Variants in HTR1D observed in about 807,000 individuals in gnomAD.
HTR1D encodes 5-HT-1D.
In HTR1D, 18 loss-of-function variants were observed where a neutral mutation model predicts 21.1. That is an observed-to-expected ratio of 0.85 (90% CI 0.59 to 1.27). The LOEUF is 1.27. Ranked by LOEUF, HTR1D falls within the 50% of genes most tolerant of loss-of-function variation. The pLI, the probability that HTR1D is intolerant of heterozygous loss-of-function variation, is 0.00. For synonymous variants in HTR1D, 196 were observed against 204.4 expected (o/e 0.96, Z 0.35); for missense variants, 456 against 481.4 (o/e 0.95, Z 0.49).
intron 1 of HTR1D, among the ~76,000 whole-genome samples, chr1:23,196,841 A>G (rs1206559778): frequency 6.6e-6 from 1 of 152,042 alleles, no homozygotes; most frequent in African/African-American, 2.4e-5. Context: ...CCTTGCCTAC[A>G]TTGCCTCAGT....
At chr1:23,205,255 G>A (rs1454553487) in intron 1 of HTR1D, among the ~76,000 whole-genome samples, 1 of 152,064 alleles carries the variant, frequency 6.6e-6, no homozygotes, top group Non-Finnish European at 1.5e-5. Flanking sequence ...AGGGTGGGAG[G>A]GGGAAAGGGA....
rs941110502 is a variant in HTR1D at position 23,193,987 on chromosome 1, C to T, written c.233G>A (p.Gly78Asp). 6.2e-6 allele frequency: 10 copies of T among 1,613,864 alleles called. No individual in the cohort carries two copies. The African/African-American group carries it at 1.1e-4, about 17-fold the overall frequency. The change falls in exon 2 of 2, where the codon GGC becomes GAC. Residue 78 changes from glycine (G) to aspartate (D), a missense_variant. By Grantham distance (94) the Gly-to-Asp change is moderately conservative. Coordinates refer to ENST00000374619, the MANE Select transcript of HTR1D (RefSeq NM_000864.5). The stretch of plus-strand genomic sequence containing the variant: ...CAAGAGGTCGGTGGTGGCCAGGGAG[C>T]CAATCAGGTAGTTGGCAGGGGTGTG... ...KLHTPANYLI[G>D]SLATTDLLVS...
intron 1 of HTR1D, among the ~76,000 whole-genome samples, chr1:23,202,705 T>G (rs529705185): frequency 1.2e-4 from 19 of 152,202 alleles, no homozygotes; most frequent in Non-Finnish European, 2.6e-4. Flanking sequence ...GAGTGAGCTC[T>G]GGATGGAGAA....
At position 23,197,720 on chromosome 1, in the gene HTR1D, TA is replaced by T. The variant is rs772773332; in HGVS notation, c.-782-2720del. ...CTGGGCGACAGAGCAAGACTCTACCTAAAAAAAAAAAAAAAAAATTAAAATG... is the reference window on the plus strand; with the variant it reads ...CTGGGCGACAGAGCAAGACTCTACCTAAAAAAAAAAAAAAAAATTAAAATG... On this transcript the variant is annotated intron_variant, in intron 1 of 1. Transcript: ENST00000374619. 5.2e-3 allele frequency among the ~76,000 whole-genome samples: 599 copies of T among 114,128 alleles called. 1 individual carries two copies. Among genetic ancestry groups the T allele is most frequent in the Middle Eastern group, 0.029 (5 of 174 alleles). 74.9% of individuals were successfully genotyped at this position (114,128 alleles called of 152,430 possible). A position where few individuals can be genotyped will look rare whatever the true frequency, so the allele number is the denominator to read the frequency against.
intron 1 of HTR1D, among the ~76,000 whole-genome samples, chr1:23,203,869 G>T (rs1644719381): frequency 6.6e-6 from 1 of 152,120 alleles, no homozygotes; most frequent in Admixed American, 6.6e-5. Flanking sequence ...ACGGGGCCAG[G>T]CACAGTGGCT....
At chr1:23,196,505 C>T (rs767094680) in intron 1 of HTR1D, among the ~76,000 whole-genome samples, 1 of 151,760 alleles carries the variant, frequency 6.6e-6, no homozygotes, top group East Asian at 1.9e-4. Context: ...CCTCCCACTC[C>T]CCAAATTTGT....
chr1:23,215,515 G>A (rs928043396), intron 1 of HTR1D, among the ~76,000 whole-genome samples: 1 of 152,198 alleles, frequency 6.6e-6, no homozygotes. Flanking sequence ...GGCCTTAGAC[G>A]GGAAACATCT....
chr1:23,209,563 G>A (rs1644745487), intron 1 of HTR1D, among the ~76,000 whole-genome samples: 1 of 152,068 alleles, frequency 6.6e-6, no homozygotes, highest in African/African-American at 2.4e-5. Flanking sequence ...GTAAAGTAGT[G>A]GCCAACATTT....
intron 1 of HTR1D, among the ~76,000 whole-genome samples, chr1:23,195,913 C>T (rs560929854): frequency 2.0e-5 from 3 of 152,232 alleles, no homozygotes; most frequent in South Asian, 2.1e-4. Context: ...ACTGCAGCCT[C>T]GACCTCCTGG....
chr1:23,206,306 G>A (rs773265154), intron 1 of HTR1D, among the ~76,000 whole-genome samples: 13 of 151,974 alleles, frequency 8.6e-5, no homozygotes, highest in Non-Finnish European at 1.8e-4. Context: ...CTGGGATTAC[G>A]GGCGTGAGCC....
intron 1 of HTR1D, among the ~76,000 whole-genome samples, chr1:23,204,844 C>G (rs1644723771): frequency 6.6e-6 from 1 of 152,206 alleles, no homozygotes; most frequent in Non-Finnish European, 1.5e-5. Context: ...ACACAACCAG[C>G]AGACACATGT....
chr1:23,199,992 C>T (rs1168266040), intron 1 of HTR1D, among the ~76,000 whole-genome samples: 1 of 152,140 alleles, frequency 6.6e-6, no homozygotes. Context: ...AGGCATGAGC[C>T]ACCGTGCTCG....
intron 1 of HTR1D, among the ~76,000 whole-genome samples, chr1:23,198,365 C>CA (rs58589973): frequency 1.8e-3 from 161 of 87,450 alleles, no homozygotes; most frequent in Non-Finnish European, 2.9e-3. Flanking sequence ...GACTCCGTCT[C>CA]AAAAAAAAAA....
chr1:23,193,968 G>A lies in HTR1D; in HGVS notation c.252C>T (p.Asp84=). 1 of 1,614,202 alleles carries A rather than the reference G, an allele frequency of 6.2e-7. No individual in the cohort carries two copies. The highest frequency in any genetic ancestry group is 8.5e-7 in the Non-Finnish European group (1 of 1,180,054). Residue 84 remains aspartate (D), a synonymous_variant, in exon 2 of 2, where the codon GAC becomes GAT. Coordinates refer to ENST00000374619, the MANE Select transcript of HTR1D (RefSeq NM_000864.5). ...NYLIGSLATT[D]LLVSILVMPI... ...GCATTACCAAGATGGAAACCAAGAG[G>A]TCGGTGGTGGCCAGGGAGCCAATCA...
chr1:23,215,006 T>C (rs1221482266), intron 1 of HTR1D, among the ~76,000 whole-genome samples: 2 of 151,930 alleles, frequency 1.3e-5, no homozygotes. Context: ...GAAAGGAGAA[T>C]GAAGCCGCAA....
intron 1 of HTR1D, among the ~76,000 whole-genome samples, chr1:23,214,600 T>C (rs941386548): frequency 2.0e-5 from 3 of 152,152 alleles, no homozygotes; most frequent in Non-Finnish European, 4.4e-5. Context: ...ATCACCCCTT[T>C]GGCAACACCT....
chr1:23,200,199 T>C (rs1644704571), intron 1 of HTR1D, among the ~76,000 whole-genome samples: 1 of 152,212 alleles, frequency 6.6e-6, no homozygotes, highest in Non-Finnish European at 1.5e-5. Flanking sequence ...GTTACTTCCT[T>C]GGTGAAATGG....
intron 1 of HTR1D, among the ~76,000 whole-genome samples, chr1:23,198,409 CTAG>C (rs1358083330): frequency 6.7e-6 from 1 of 149,290 alleles, no homozygotes; most frequent in African/African-American, 2.5e-5. Flanking sequence ...TTTTCTACCA[CTAG>C]TAGAGTAAAA....
At chr1:23,196,371 G>A (rs1190218553) in intron 1 of HTR1D, among the ~76,000 whole-genome samples, 1 of 151,652 alleles carries the variant, frequency 6.6e-6, no homozygotes, top group South Asian at 2.1e-4. Flanking sequence ...TTGAACCCAG[G>A]AGGTGGAGGT....
Sources: gnomAD v4.1 joint callset for allele counts (sites outside exome capture counted in the v4.1 genomes callset) on GRCh38, gnomAD v4.1.1 for gene constraint, MANE v1.5 for transcripts, NCBI Gene and HGNC (gene_info 2026-07-23, HGNC 2026-07-21) for gene names.